Variants in HS3ST4 observed in about 807,000 individuals in gnomAD.
HS3ST4 encodes the protein heparan sulfate-glucosamine 3-sulfotransferase 4, also known as heparan sulfate glucosamine 3-O-sulfotransferase 4.
A neutral mutation model predicts 29.2 loss-of-function variants in HS3ST4; 17 were observed. The observed-to-expected ratio is 0.58, with a 90% CI of 0.40 to 0.87. The LOEUF (loss-of-function observed/expected upper bound fraction) is 0.87. Ranked by LOEUF, HS3ST4 falls within the 40% of genes least tolerant of loss-of-function variation. The pLI is 0.00. For missense variants in HS3ST4, 627 were observed against 634.5 expected (o/e 0.99, Z 0.13); for synonymous variants, 314 against 285.7 (o/e 1.10, Z -1.00).
At chr16:25,745,677 C>T (rs1966680629) in intron 1 of HS3ST4, among the ~76,000 whole-genome samples, 4 of 152,248 alleles carry the variant, frequency 2.6e-5, no homozygotes, top group South Asian at 2.1e-4. Context: ...CCTTTGAAGT[C>T]CTCTCTCCTA....
intron 1 of HS3ST4, among the ~76,000 whole-genome samples, chr16:26,051,915 T>TCCC: frequency 1.2e-5 from 1 of 86,718 alleles, no homozygotes; most frequent in Non-Finnish European, 2.1e-5. Context: ...CCTCCCTCCC[T>TCCC]TCCTTCCTTC....
chr16:25,957,089 G>A lies in HS3ST4; in HGVS notation c.735-178523G>A, dbSNP rs1418675018. 4.6e-5 allele frequency among the ~76,000 whole-genome samples: 7 copies of A among 151,876 alleles called. No homozygotes were observed. The South Asian group carries it at 6.2e-4, about 14-fold the overall frequency. ...TACTACAATATTTCAGTGGAGAGACGATCAGAGCCCAAAGAGAGTGGTGAA... is the reference window on the plus strand; with the variant it reads ...TACTACAATATTTCAGTGGAGAGACAATCAGAGCCCAAAGAGAGTGGTGAA... On this transcript the variant is annotated intron_variant, in intron 1 of 1. Coordinates refer to ENST00000331351, the MANE Select transcript of HS3ST4 (RefSeq NM_006040.3).
chr16:25,828,242 CTCT>C (rs1339335882), intron 1 of HS3ST4, among the ~76,000 whole-genome samples: 2 of 75,016 alleles, frequency 2.7e-5, no homozygotes, highest in Non-Finnish European at 5.1e-5. Flanking sequence ...TTCTTTCTTT[CTCT>C]TTCTTTCTTT....
chr16:25,846,341 C>T (rs942956793), intron 1 of HS3ST4, among the ~76,000 whole-genome samples: 1 of 152,024 alleles, frequency 6.6e-6, no homozygotes, highest in Admixed American at 6.6e-5. Context: ...GTTTTGTAAC[C>T]TGGGCGACAC....
chr16:25,781,140 C>G (rs555185917), intron 1 of HS3ST4, among the ~76,000 whole-genome samples: 1 of 152,336 alleles, frequency 6.6e-6, no homozygotes, highest in East Asian at 1.9e-4. Context: ...TCTACCTCAC[C>G]TACCTTCTGT....
chr16:25,715,439 C>T lies in HS3ST4; in HGVS notation c.734+22288C>T, dbSNP rs192641074. Among the ~76,000 whole-genome samples, 13 of 151,178 alleles carry T rather than the reference C, an allele frequency of 8.6e-5. No homozygotes were observed. In the East Asian group the frequency reaches 9.7e-4, roughly 11 times the overall value. On this transcript the variant is annotated intron_variant, in intron 1 of 1. Transcript: ENST00000331351. ...ATAATAAGGATGGTGATTCCATATG[C>T]AATTACCATGAGATGAAAGAAAATA...
At chr16:25,725,913 C>G (rs1966531974) in intron 1 of HS3ST4, among the ~76,000 whole-genome samples, 1 of 152,110 alleles carries the variant, frequency 6.6e-6, no homozygotes, top group Admixed American at 6.6e-5. Context: ...TATTCTATTA[C>G]AACAGTGGCT....
rs958713046 is a variant in HS3ST4 at position 25,692,379 on chromosome 16, T to TGCCGCC, written c.-21_-16dup. ...ACCATGTCCGGGCAGCGCCGGGGGC[T>TGCCGCC]GCCGCCGCCGCCGCCGCCGCCGCGA... On this transcript the variant is annotated 5_prime_UTR_variant, in exon 1 of 2. Coordinates refer to ENST00000331351, the MANE Select transcript of HS3ST4 (RefSeq NM_006040.3). The TGCCGCC allele has an allele frequency of 3.2e-4, 155 of 477,828 alleles. No homozygotes were observed. Among genetic ancestry groups the TGCCGCC allele is most frequent in the Admixed American group, 3.0e-3 (45 of 15,044 alleles). The allele number at this position is 477,828 out of a possible 1,614,324, so 29.6% of individuals were successfully genotyped here.
chr16:25,813,545 C>T (rs1418537776), intron 1 of HS3ST4, among the ~76,000 whole-genome samples: 3 of 152,086 alleles, frequency 2.0e-5, no homozygotes, highest in East Asian at 1.9e-4. Flanking sequence ...TGTGGTGAGC[C>T]GAGATCACGC....
chr16:26,093,397 G>T (rs915429119), intron 1 of HS3ST4, among the ~76,000 whole-genome samples: 4 of 152,158 alleles, frequency 2.6e-5, no homozygotes, highest in African/African-American at 4.8e-5. Flanking sequence ...CCAGAGGAAG[G>T]ATGAGGCAGC....
chr16:25,945,284 G>A (rs1229871496), intron 1 of HS3ST4, among the ~76,000 whole-genome samples: 1 of 152,082 alleles, frequency 6.6e-6, no homozygotes, highest in Non-Finnish European at 1.5e-5. Flanking sequence ...TTGATAAATT[G>A]CTTTTTCCCC....
At chr16:26,037,273 A>C (rs796986259) in intron 1 of HS3ST4, among the ~76,000 whole-genome samples, 5 of 152,300 alleles carry the variant, frequency 3.3e-5, no homozygotes, top group African/African-American at 1.2e-4. Flanking sequence ...ACCTTCCAGG[A>C]CCTGAACCCT....
At chr16:25,916,617 C>T (rs1968295291) in intron 1 of HS3ST4, among the ~76,000 whole-genome samples, 1 of 151,424 alleles carries the variant, frequency 6.6e-6, no homozygotes, top group Non-Finnish European at 1.5e-5. Flanking sequence ...CCGCCTTGGG[C>T]TCCCAAAGTG....
intron 1 of HS3ST4, among the ~76,000 whole-genome samples, chr16:25,768,646 A>G (rs1234581647): frequency 2.6e-5 from 4 of 151,940 alleles, no homozygotes; most frequent in Non-Finnish European, 5.9e-5. Context: ...GGCCTGAATG[A>G]CCTTCCTGCA....
chr16:25,724,778 T>C (rs913978304), intron 1 of HS3ST4, among the ~76,000 whole-genome samples: 2 of 152,196 alleles, frequency 1.3e-5, no homozygotes, highest in African/African-American at 4.8e-5. Flanking sequence ...GTCAGGTCAC[T>C]GGCAACTTCG....
intron 1 of HS3ST4, among the ~76,000 whole-genome samples, chr16:25,758,971 C>T (rs1218832363): frequency 3.0e-5 from 1 of 33,576 alleles, no homozygotes; most frequent in Non-Finnish European, 6.9e-5. Flanking sequence ...AAACAAAAAA[C>T]AAAAAAACAA....
intron 1 of HS3ST4, among the ~76,000 whole-genome samples, chr16:25,815,679 G>C (rs1479677598): frequency 6.6e-6 from 1 of 152,150 alleles, no homozygotes; most frequent in Non-Finnish European, 1.5e-5. Context: ...CCCTCCTAGG[G>C]CCTTGGATGG....
intron 1 of HS3ST4, among the ~76,000 whole-genome samples, chr16:26,089,153 G>A (rs867358415): frequency 2.5e-4 from 38 of 152,196 alleles, no homozygotes; most frequent in African/African-American, 8.7e-4. Flanking sequence ...TGGTCCCACT[G>A]TGCTCCTAGA....
chr16:25,723,901 C>G (rs1440638465), intron 1 of HS3ST4, among the ~76,000 whole-genome samples: 1 of 152,060 alleles, frequency 6.6e-6, no homozygotes, highest in Admixed American at 6.5e-5. Flanking sequence ...ATCACGAGGT[C>G]AAGAGATCGA....
Sources: allele counts gnomAD v4.1 joint callset (sites outside exome capture counted in the v4.1 genomes callset), GRCh38; gene constraint gnomAD v4.1.1; transcripts MANE v1.5; gene names NCBI Gene and HGNC (gene_info 2026-07-23, HGNC 2026-07-21).